The following ATP2B2 variants were observed in gnomAD, a reference collection of about 807,000 sequenced individuals.
The protein encoded by ATP2B2 is ATPase plasma membrane Ca2+ transporting 2.
In ATP2B2, 15 loss-of-function variants were observed where a neutral mutation model predicts 120.0. The observed-to-expected ratio is 0.12, with a 90% CI of 0.08 to 0.19. The LOEUF is 0.19. Ranked by LOEUF, ATP2B2 falls within the 10% of genes least tolerant of loss-of-function variation. The probability of loss-of-function intolerance (pLI) is 1.00; values close to 1 mark genes in which losing one functional copy is unlikely to be tolerated. For synonymous variants in ATP2B2, 694 were observed against 700.3 expected (o/e 0.99, Z 0.14); for missense variants, 1,045 against 1,719.8 (o/e 0.61, Z 6.94).
chr3:10,568,009 G>A (rs2068045755), intron 2 of ATP2B2, among the ~76,000 whole-genome samples: 1 of 152,224 alleles, frequency 6.6e-6, no homozygotes. Flanking sequence ...CTCCAAAAAT[G>A]ACACCTGTAC....
chr3:10,629,994 C>T (rs1448617520), intron 1 of ATP2B2, among the ~76,000 whole-genome samples: 1 of 152,258 alleles, frequency 6.6e-6, no homozygotes, highest in East Asian at 1.9e-4. Context: ...AGGACAAACC[C>T]CTTATCCTCG....
intron 2 of ATP2B2, among the ~76,000 whole-genome samples, chr3:10,614,118 C>T (rs1190860184): frequency 1.3e-5 from 2 of 152,072 alleles, no homozygotes; most frequent in Admixed American, 6.6e-5. Flanking sequence ...TCCTTGACAG[C>T]CTTTACGGCA....
intron 3 of ATP2B2, among the ~76,000 whole-genome samples, chr3:10,533,311 G>A (rs1274306641): frequency 6.6e-6 from 1 of 152,190 alleles, no homozygotes; most frequent in African/African-American, 2.4e-5. Context: ...TAACTAACAT[G>A]CATCATGCAC....
chr3:10,557,471 G>A (rs1438638115), intron 2 of ATP2B2, among the ~76,000 whole-genome samples: 1 of 152,182 alleles, frequency 6.6e-6, no homozygotes, highest in African/African-American at 2.4e-5. Context: ...GAGCCTTCTG[G>A]TAGGAAAGCC....
At chr3:10,506,658 C>T (rs991613315), upstream of ATP2B2, among the ~76,000 whole-genome samples, 7 of 152,022 alleles carry the variant, frequency 4.6e-5, no homozygotes, top group Admixed American at 3.9e-4. Flanking sequence ...GAGGGGTACC[C>T]TGCTTGGAGG....
At chr3:10,535,682 T>C (rs978472180) in intron 2 of ATP2B2, among the ~76,000 whole-genome samples, 1 of 152,180 alleles carries the variant, frequency 6.6e-6, no homozygotes, top group African/African-American at 2.4e-5. Flanking sequence ...TTCCTCTAGG[T>C]GGTTGTGTGT....
intron 1 of ATP2B2, among the ~76,000 whole-genome samples, chr3:10,634,508 C>T (rs563157809): frequency 6.6e-6 from 1 of 152,368 alleles, no homozygotes; most frequent in South Asian, 2.1e-4. Flanking sequence ...CTGACTCCAG[C>T]CAACTGAACA....
chr3:10,403,464 A>T (rs952562779), intron 3 of ATP2B2, among the ~76,000 whole-genome samples: 1 of 152,204 alleles, frequency 6.6e-6, no homozygotes, highest in Non-Finnish European at 1.5e-5. Flanking sequence ...CCAAAGGCAG[A>T]TCCTACTCAT....
chr3:10,685,755 C>G (rs533183621), intron 1 of ATP2B2, among the ~76,000 whole-genome samples: 20 of 152,000 alleles, frequency 1.3e-4, no homozygotes, highest in African/African-American at 4.8e-4. Flanking sequence ...ACATGTGTGA[C>G]AGCAGGGACT....
chr3:10,525,705 T>C (rs918668695), intron 3 of ATP2B2, among the ~76,000 whole-genome samples: 2 of 152,078 alleles, frequency 1.3e-5, no homozygotes, highest in Non-Finnish European at 2.9e-5. Context: ...TCAGAAGGGG[T>C]ATTTTGGGCT....
intron 2 of ATP2B2, among the ~76,000 whole-genome samples, chr3:10,568,242 A>G (rs1040723316): frequency 6.6e-6 from 1 of 152,220 alleles, no homozygotes; most frequent in Non-Finnish European, 1.5e-5. Flanking sequence ...GGGGAGGCCC[A>G]TGGGGTGCTT....
chr3:10,589,290 C>T (rs1039841131), intron 2 of ATP2B2, among the ~76,000 whole-genome samples: 4 of 152,162 alleles, frequency 2.6e-5, no homozygotes, highest in Admixed American at 2.6e-4. Context: ...TTTGGTCTCT[C>T]TACAGGCTTG....
At chr3:10,651,678 G>A (rs1310261316) in intron 1 of ATP2B2, among the ~76,000 whole-genome samples, 3 of 152,044 alleles carry the variant, frequency 2.0e-5, no homozygotes, top group East Asian at 1.9e-4. Context: ...GAATGGCTGG[G>A]TGGTAGATGG....
intron 1 of ATP2B2, among the ~76,000 whole-genome samples, chr3:10,492,169 C>T (rs978739627): frequency 1.3e-5 from 2 of 152,056 alleles, no homozygotes; most frequent in African/African-American, 4.8e-5. Context: ...TCTTTTCTGG[C>T]CACCCTGTGG....
intron 21 of ATP2B2, 26 bp from the exon 22 acceptor site, chr3:10,338,384 C>T (rs762527062): frequency 1.7e-5 from 28 of 1,613,826 alleles, no homozygotes; most frequent in East Asian, 6.7e-5. Flanking sequence ...TCTGTCAGGA[C>T]GGTGGGGCTG....
chr3:10,430,817 C>T (rs2063292505), intron 2 of ATP2B2, among the ~76,000 whole-genome samples: 1 of 151,044 alleles, frequency 6.6e-6, no homozygotes, highest in Non-Finnish European at 1.5e-5. Context: ...TCTGACATGC[C>T]TATTTTCCCT....
intron 1 of ATP2B2, among the ~76,000 whole-genome samples, chr3:10,624,596 G>A (rs377355769): frequency 2.6e-5 from 4 of 152,174 alleles, no homozygotes; most frequent in Non-Finnish European, 5.9e-5. Flanking sequence ...CAAGCAGCAC[G>A]GCTTTGTCAT....
intron 22 of ATP2B2, among the ~76,000 whole-genome samples, chr3:10,333,356 C>T (rs1488776990): frequency 6.6e-6 from 1 of 152,066 alleles, no homozygotes; most frequent in Non-Finnish European, 1.5e-5. Context: ...AGTGGGGCGG[C>T]CCACTTCCTC....
Position 10,638,028 on chromosome 3 carries a change from A to G in ATP2B2, c.-459-18067T>C, listed in dbSNP as rs186526723. On this transcript the variant is annotated intron_variant, in intron 1 of 21. Transcript: ENST00000646379. Reference sequence around the variant, plus strand: ...AAAGAAAAAAGAAGAAACACACTGTATACGTACCAGTGAAAATATCTCTCA... The same window carrying G: ...AAAGAAAAAAGAAGAAACACACTGTGTACGTACCAGTGAAAATATCTCTCA... Among the ~76,000 whole-genome samples the G allele has an allele frequency of 3.3e-4, 51 of 152,352 alleles. 1 individual carries two copies. The highest frequency in any genetic ancestry group is 1.2e-3 in the African/African-American group (51 of 41,604).
Sources: gnomAD v4.1 joint callset for allele counts (sites outside exome capture counted in the v4.1 genomes callset) on GRCh38, gnomAD v4.1.1 for gene constraint, MANE v1.5 for transcripts, NCBI Gene and HGNC (gene_info 2026-07-23, HGNC 2026-07-21) for gene names.